The following EIPR1 variants were observed in gnomAD, a reference collection of about 807,000 sequenced individuals.
EIPR1 encodes EARP complex and GARP complex interacting protein 1.
A neutral mutation model predicts 48.1 loss-of-function variants in EIPR1; 25 were observed. That is an observed-to-expected ratio of 0.52 (90% CI 0.38 to 0.73). The LOEUF (loss-of-function observed/expected upper bound fraction) is 0.73. EIPR1 is among the 30% of genes least tolerant of loss of function. The pLI, the probability that EIPR1 is intolerant of heterozygous loss-of-function variation, is 0.00. For missense variants in EIPR1, 415 were observed against 506.2 expected, an observed-to-expected ratio of 0.82 and a Z score of 1.73; for synonymous variants, 204 against 201.9, an observed-to-expected ratio of 1.01 and a Z score of -0.09.
intron 5 of EIPR1, among the ~76,000 whole-genome samples, chr2:3,204,840 C>T (rs1352329656): frequency 1.3e-5 from 2 of 152,118 alleles, no homozygotes; most frequent in Non-Finnish European, 2.9e-5. Context: ...TCACAGCAGA[C>T]CCTACTACAT....
At chr2:3,218,766 A>G (rs189757202) in intron 4 of EIPR1, among the ~76,000 whole-genome samples, 2,186 of 134,046 alleles carry the variant, frequency 0.016, 70 homozygotes, top group African/African-American at 0.059. Flanking sequence ...ACCCTGATAC[A>G]CTCTAGAGCG....
chr2:3,328,817 C>T (rs1669785848), intron 3 of EIPR1, among the ~76,000 whole-genome samples: 1 of 140,246 alleles, frequency 7.1e-6, no homozygotes. Context: ...AGAGCCCACC[C>T]ACCACGCTCT....
At chr2:3,352,157 C>A (rs1447939479) in intron 2 of EIPR1, among the ~76,000 whole-genome samples, 2 of 145,886 alleles carry the variant, frequency 1.4e-5, no homozygotes, top group Non-Finnish European at 3.0e-5. Context: ...CCTGAGCCAC[C>A]CACACTGTCT....
chr2:3,252,062 A>T, intron 4 of EIPR1, among the ~76,000 whole-genome samples: 1 of 152,230 alleles, frequency 6.6e-6, no homozygotes, highest in Non-Finnish European at 1.5e-5. Context: ...GCAAAGCCCT[A>T]GCAAAGGGGC....
chr2:3,287,405 G>A (rs1267481902), intron 3 of EIPR1, among the ~76,000 whole-genome samples: 6 of 131,904 alleles, frequency 4.5e-5, no homozygotes, highest in African/African-American at 8.8e-5. Context: ...TCCAGAAAGC[G>A]TGTTCACCAC....
At chr2:3,229,277 T>A (rs1666163880) in intron 4 of EIPR1, among the ~76,000 whole-genome samples, 2 of 152,266 alleles carry the variant, frequency 1.3e-5, no homozygotes, top group South Asian at 4.1e-4. Context: ...AGCTTTTGCC[T>A]ATCACAACCA....
intron 3 of EIPR1, among the ~76,000 whole-genome samples, chr2:3,269,677 G>A (rs112373555): frequency 7.4e-5 from 7 of 94,284 alleles, no homozygotes; most frequent in South Asian, 4.2e-4. Flanking sequence ...CTCAATCATC[G>A]CAATCATCGC....
chr2:3,330,102 G>C (rs1042559327), intron 3 of EIPR1, among the ~76,000 whole-genome samples: 1 of 152,184 alleles, frequency 6.6e-6, no homozygotes, highest in African/African-American at 2.4e-5. Flanking sequence ...GGTTCCCCTC[G>C]GCGAATTCCT....
intron 2 of EIPR1, among the ~76,000 whole-genome samples, chr2:3,345,074 C>T (rs1670359171): frequency 6.6e-6 from 1 of 152,108 alleles, no homozygotes; most frequent in Non-Finnish European, 1.5e-5. Context: ...CCCTGTGCCC[C>T]AGAAGCACGT....
chr2:3,373,003 C>A (rs1659738201), intron 1 of EIPR1, among the ~76,000 whole-genome samples: 1 of 152,174 alleles, frequency 6.6e-6, no homozygotes, highest in African/African-American at 2.4e-5. Context: ...CAAACTGAAT[C>A]CAGCAGCACA....
chr2:3,208,684 A>C, intron 5 of EIPR1: 1 of 1,550,440 alleles, frequency 6.4e-7, no homozygotes, highest in East Asian at 2.4e-5. Context: ...CTCAACCCCA[A>C]TTCCCCCAGG....
At chr2:3,295,873 C>T (rs1668561459) in intron 3 of EIPR1, among the ~76,000 whole-genome samples, 1 of 131,702 alleles carries the variant, frequency 7.6e-6, no homozygotes, top group Non-Finnish European at 1.6e-5. Flanking sequence ...CCTCTCTCTG[C>T]ACACACCCTC....
chr2:3,334,895 A>G (rs1437801872), intron 3 of EIPR1, among the ~76,000 whole-genome samples: 1 of 152,244 alleles, frequency 6.6e-6, no homozygotes, highest in Non-Finnish European at 1.5e-5. Context: ...CCACGACTGG[A>G]AATCACGAGA....
chr2:3,227,044 A>C (rs1666086237), intron 4 of EIPR1, among the ~76,000 whole-genome samples: 1 of 152,220 alleles, frequency 6.6e-6, no homozygotes, highest in African/African-American at 2.4e-5. Flanking sequence ...AAAACAGACA[A>C]ATACGGTAAA....
Position 3,312,562 on chromosome 2 carries a change from G to A in EIPR1, c.259+25455C>T, listed in dbSNP as rs997518999. ...CACCACTCAGCACCTGCTCATCATT[G>A]TCAGCATGTTTCTGGTCTCTTAAAA... On this transcript the variant is annotated intron_variant, in intron 3 of 8. Transcript: ENST00000382125. This position sits in a 1 kb window ranked among gnomAD's most constrained non-coding sequence, Gnocchi z 5.5. 7.2e-5 allele frequency among the ~76,000 whole-genome samples: 11 copies of A among 152,158 alleles called. No individual in the cohort carries two copies. In the East Asian group the frequency reaches 2.1e-3, roughly 29 times the overall value.
intron 3 of EIPR1, among the ~76,000 whole-genome samples, chr2:3,317,803 G>A (rs796510981): frequency 2.0e-5 from 3 of 152,284 alleles, no homozygotes; most frequent in African/African-American, 7.2e-5. Flanking sequence ...ACAGAGGAGA[G>A]GCCACATGAT....
rs114404184 is a variant in EIPR1, at chr2:3,244,194, C to T, written c.416+13105G>A. ...TCTTCTCAGCAAGTCCAAAGATAGC[C>T]TCTGAATCATAACACATTTCTAGGT... On this transcript the variant is annotated intron_variant, in intron 4 of 8. Coordinates refer to ENST00000382125, the MANE Select transcript of EIPR1 (RefSeq NM_003310.5). 3.7e-3 allele frequency among the ~76,000 whole-genome samples: 557 copies of T among 152,304 alleles called. 3 individuals carry two copies. The highest frequency in any genetic ancestry group is 0.013 in the African/African-American group (529 of 41,548).
intron 4 of EIPR1, among the ~76,000 whole-genome samples, chr2:3,250,170 C>T (rs1666959859): frequency 6.6e-6 from 1 of 152,196 alleles, no homozygotes; most frequent in African/African-American, 2.4e-5. Context: ...AGCTTGCATC[C>T]TGAGCCTGGA....
At chr2:3,281,503 G>A (rs994275234) in intron 3 of EIPR1, among the ~76,000 whole-genome samples, 1 of 152,110 alleles carries the variant, frequency 6.6e-6, no homozygotes, top group African/African-American at 2.4e-5. Flanking sequence ...GAGAGCAACT[G>A]GAGTGGTGAG....
Sources: gnomAD v4.1 joint callset for allele counts (sites outside exome capture counted in the v4.1 genomes callset) on GRCh38, gnomAD v4.1.1 for gene constraint, Gnocchi (gnomAD v3.1) non-coding constraint, MANE v1.5 for transcripts, NCBI Gene and HGNC (gene_info 2026-07-23, HGNC 2026-07-21) for gene names.